Variants in ROBO2 observed in about 807,000 individuals in gnomAD.
The protein encoded by ROBO2 is roundabout homolog 2.
ROBO2 carries 53 observed loss-of-function variants against 160.8 expected under a neutral mutation model. That is an observed-to-expected ratio of 0.33 (90% confidence interval 0.26 to 0.41). ROBO2 has a LOEUF of 0.41. Among genes scored for constraint, ROBO2 ranks in the 10% least tolerant of loss-of-function variants. ROBO2 has a pLI of 1.00. For missense variants in ROBO2, 1,577 were observed against 1,722.4 expected, an observed-to-expected ratio of 0.92 and a Z score of 1.49; for synonymous variants, 664 against 611.7, an observed-to-expected ratio of 1.09 and a Z score of -1.26.
chr3:77,191,774 A>G (rs2150946728), intron 2 of ROBO2, among the ~76,000 whole-genome samples: 1 of 152,294 alleles, frequency 6.6e-6, no homozygotes, highest in East Asian at 1.9e-4. Flanking sequence ...CCAGGGCTTC[A>G]TTACTGGGCC....
chr3:77,429,574 A>C (rs75226618), intron 2 of ROBO2, among the ~76,000 whole-genome samples: 6,455 of 151,542 alleles, frequency 0.043, 462 homozygotes, highest in African/African-American at 0.15. Context: ...GTTGTAAGTA[A>C]TAGAAAACAG....
At chr3:76,021,895 C>G (rs1430889962) in intron 2 of ROBO2, among the ~76,000 whole-genome samples, 1 of 150,576 alleles carries the variant, frequency 6.6e-6, no homozygotes. Flanking sequence ...CATTGGTTGA[C>G]TTTTCCTTTC....
chr3:77,432,049 CT>C (rs2153542542), intron 2 of ROBO2, among the ~76,000 whole-genome samples: 1 of 152,260 alleles, frequency 6.6e-6, no homozygotes, highest in Non-Finnish European at 1.5e-5. Flanking sequence ...GCAATTTTCT[CT>C]GCAGCATATA....
chr3:76,849,457 T>C (rs558445042), intron 2 of ROBO2, among the ~76,000 whole-genome samples: 1 of 152,290 alleles, frequency 6.6e-6, no homozygotes, highest in Middle Eastern at 3.4e-3. Context: ...TAACTTGAAG[T>C]ACATAGATGC....
intron 2 of ROBO2, among the ~76,000 whole-genome samples, chr3:76,039,520 A>C (rs183512723): frequency 6.6e-6 from 1 of 152,152 alleles, no homozygotes; most frequent in East Asian, 1.9e-4. Context: ...CTCTTAAGAA[A>C]AAAACCATTT....
chr3:76,781,136 G>A (rs537459377), intron 2 of ROBO2, among the ~76,000 whole-genome samples: 1 of 150,454 alleles, frequency 6.6e-6, no homozygotes, highest in South Asian at 2.1e-4. Context: ...TTACCTCCTT[G>A]GTTAAATGAA....
chr3:77,581,131 T>C (rs1392016225), intron 16 of ROBO2, among the ~76,000 whole-genome samples: 2 of 152,156 alleles, frequency 1.3e-5, no homozygotes, highest in African/African-American at 2.4e-5. Context: ...ATAATTTCTT[T>C]TGTGAATTGA....
At chr3:76,706,333 T>C (rs2093162304) in intron 2 of ROBO2, among the ~76,000 whole-genome samples, 1 of 152,138 alleles carries the variant, frequency 6.6e-6, no homozygotes, top group Admixed American at 6.6e-5. Flanking sequence ...GTATTTGGTA[T>C]TATTGAAGTC....
At chr3:77,117,186 T>C (rs2074293579) in intron 2 of ROBO2, among the ~76,000 whole-genome samples, 1 of 152,180 alleles carries the variant, frequency 6.6e-6, no homozygotes, top group African/African-American at 2.4e-5. Context: ...ACATTTTGGA[T>C]TTGATGAAAT....
chr3:75,923,614 C>T (rs1418017121), intron 1 of ROBO2, among the ~76,000 whole-genome samples: 1 of 152,052 alleles, frequency 6.6e-6, no homozygotes. Context: ...TGTAAAGTAG[C>T]GTACAATCAA....
At position 77,241,726 on chromosome 3, in the gene ROBO2, G is replaced by A. The variant is rs1013262034; in HGVS notation, c.388+143386G>A. Among the ~76,000 whole-genome samples the A allele has an allele frequency of 4.6e-5, 7 of 152,146 alleles. No individual in the cohort carries two copies. In the East Asian group the frequency reaches 5.8e-4, roughly 13 times the overall value. ...CAGGAAATAAATAGTGGCTATGCTC[G>A]TATAAAAACATCAATCTTCTGACCT... On this transcript the variant is annotated intron_variant, in intron 2 of 25. Coordinates refer to ENST00000461745, the Ensembl canonical transcript of ROBO2.
chr3:76,688,520 A>T (rs1156416058), intron 2 of ROBO2, among the ~76,000 whole-genome samples: 1 of 151,736 alleles, frequency 6.6e-6, no homozygotes, highest in Non-Finnish European at 1.5e-5. Flanking sequence ...CTAAACATTA[A>T]AGTATGAAAT....
At chr3:76,394,585 G>C (rs2077327988) in intron 2 of ROBO2, among the ~76,000 whole-genome samples, 1 of 151,988 alleles carries the variant, frequency 6.6e-6, no homozygotes, top group Non-Finnish European at 1.5e-5. Context: ...TAATGAATCT[G>C]ACAATTATGT....
At chr3:76,370,216 A>G (rs2076037316) in intron 2 of ROBO2, among the ~76,000 whole-genome samples, 1 of 151,814 alleles carries the variant, frequency 6.6e-6, no homozygotes, top group Admixed American at 6.6e-5. Flanking sequence ...TCCCTGGGGC[A>G]TGCAAGATAA....
At chr3:76,799,718 A>C (rs2064056199) in intron 2 of ROBO2, among the ~76,000 whole-genome samples, 1 of 152,212 alleles carries the variant, frequency 6.6e-6, no homozygotes, top group Admixed American at 6.5e-5. Flanking sequence ...AAGAAATAGA[A>C]ATGTTCACAA....
At chr3:76,769,302 G>A (rs1378581216) in intron 2 of ROBO2, among the ~76,000 whole-genome samples, 2 of 151,366 alleles carry the variant, frequency 1.3e-5, no homozygotes, top group Non-Finnish European at 3.0e-5. Context: ...TTCATATTCT[G>A]ATTAAGTAGA....
chr3:76,555,638 T>C (rs2108428122), intron 2 of ROBO2, among the ~76,000 whole-genome samples: 1 of 152,296 alleles, frequency 6.6e-6, no homozygotes, highest in East Asian at 1.9e-4. Flanking sequence ...ATGACTTAAG[T>C]TGAGAAATGA....
chr3:76,037,597 C>T (rs948616175), intron 2 of ROBO2, among the ~76,000 whole-genome samples: 6 of 151,912 alleles, frequency 3.9e-5, no homozygotes, highest in Non-Finnish European at 8.8e-5. Flanking sequence ...TACATACATA[C>T]ATAAAATGTT....
intron 16 of ROBO2, among the ~76,000 whole-genome samples, chr3:77,582,180 C>T (rs532243419): frequency 6.6e-6 from 1 of 152,176 alleles, no homozygotes; most frequent in South Asian, 2.1e-4. Flanking sequence ...CTGCTCACTG[C>T]AAACTCTGTC....
Sources: allele counts gnomAD v4.1 joint callset (sites outside exome capture counted in the v4.1 genomes callset), GRCh38; gene constraint gnomAD v4.1.1; transcripts MANE v1.5; gene names NCBI Gene and HGNC (gene_info 2026-07-23, HGNC 2026-07-21).